RAB30: variants seen among roughly 807,000 people sequenced by gnomAD.
RAB30 encodes the protein RAB30, member RAS oncogene family.
A neutral mutation model predicts 25.1 loss-of-function variants in RAB30; 9 were observed. That is an observed-to-expected ratio of 0.36 (90% confidence interval 0.22 to 0.63). The LOEUF (loss-of-function observed/expected upper bound fraction) is 0.63. Ranked by LOEUF, RAB30 falls within the 20% of genes least tolerant of loss-of-function variation. RAB30 has a pLI of 0.69. For synonymous variants in RAB30, 77 were observed against 86.4 expected, an observed-to-expected ratio of 0.89 and a Z score of 0.60; for missense variants, 140 against 243.5, an observed-to-expected ratio of 0.58 and a Z score of 2.83.
chr11:83,015,028 G>C (rs1352401219), intron 1 of RAB30, among the ~76,000 whole-genome samples: 1 of 152,216 alleles, frequency 6.6e-6, no homozygotes, highest in Non-Finnish European at 1.5e-5. Flanking sequence ...AAGAGAACTG[G>C]GAGACTGCTG....
intron 1 of RAB30, among the ~76,000 whole-genome samples, chr11:83,026,330 G>T (rs1857712904): frequency 6.6e-6 from 1 of 152,230 alleles, no homozygotes; most frequent in Admixed American, 6.5e-5. Flanking sequence ...AATTCTCAGT[G>T]TTGGAGGTGT....
At chr11:82,988,796 C>T (rs574122658) in intron 3 of RAB30, among the ~76,000 whole-genome samples, 31 of 152,190 alleles carry the variant, frequency 2.0e-4, no homozygotes, top group African/African-American at 5.5e-4. Context: ...TCTAATTGCA[C>T]GAATTTCACA....
intron 4 of RAB30, among the ~76,000 whole-genome samples, chr11:82,983,970 A>C (rs1856690706): frequency 6.6e-6 from 1 of 152,210 alleles, no homozygotes; most frequent in Non-Finnish European, 1.5e-5. Flanking sequence ...TTGGCATAGG[A>C]AAAAGGAAAT....
At chr11:83,002,453 C>T (rs1432866176) in intron 1 of RAB30, among the ~76,000 whole-genome samples, 1 of 152,042 alleles carries the variant, frequency 6.6e-6, no homozygotes, top group Admixed American at 6.6e-5. Flanking sequence ...TCCCCAATAT[C>T]ATTGTCACCA....
At position 82,979,908 on chromosome 11, in the gene RAB30, A is replaced by C. The variant is rs182372046; in HGVS notation, c.*2257T>G. The stretch of plus-strand genomic sequence containing the variant: ...TAGAGAAGGCTAAACCCTAGGGAAT[A>C]ATACAAGTGTGACCCTAAAAGGTAT... On this transcript the variant is annotated 3_prime_UTR_variant, in exon 5 of 5. Transcript: ENST00000527633. 6.6e-6 allele frequency: 1 copy of C among 152,292 alleles called. No individual in the cohort carries two copies. The highest frequency in any genetic ancestry group is 1.5e-5 in the Non-Finnish European group (1 of 68,018). The allele number at this position is 152,292 out of a possible 1,614,324, so 9.4% of individuals were successfully genotyped here. A position where few individuals can be genotyped will look rare whatever the true frequency, so the allele number is the denominator to read the frequency against.
chr11:83,033,889 A>C (rs1366750763), intron 1 of RAB30, among the ~76,000 whole-genome samples: 1 of 133,118 alleles, frequency 7.5e-6, no homozygotes, highest in Middle Eastern at 3.7e-3. Context: ...AAAAAAAACC[A>C]AACAAACAAA....
chr11:83,006,420 A>G (rs1043117465), intron 1 of RAB30, among the ~76,000 whole-genome samples: 1 of 152,234 alleles, frequency 6.6e-6, no homozygotes, highest in African/African-American at 2.4e-5. Context: ...GAAAGAAGCA[A>G]GGCAAAGAAT....
At chr11:83,044,318 C>T (rs1858192315) in intron 1 of RAB30, among the ~76,000 whole-genome samples, 1 of 152,176 alleles carries the variant, frequency 6.6e-6, no homozygotes, top group African/African-American at 2.4e-5. Context: ...GATTTTCCCT[C>T]AAGGGATATG....
At chr11:83,069,584 A>AG (rs1858785118) in intron 1 of RAB30, among the ~76,000 whole-genome samples, 1 of 152,100 alleles carries the variant, frequency 6.6e-6, no homozygotes, top group South Asian at 2.1e-4. Flanking sequence ...AGGAAGAAAG[A>AG]GGGGGGAAAG....
chr11:83,010,087 G>C (rs1201392431), intron 1 of RAB30, among the ~76,000 whole-genome samples: 3 of 152,152 alleles, frequency 2.0e-5, no homozygotes, highest in African/African-American at 7.2e-5. Flanking sequence ...CCAAGATGGA[G>C]GGAGAAGTAA....
At chr11:83,035,813 T>G (rs955934821) in intron 1 of RAB30, 2 of 152,290 alleles carry the variant, frequency 1.3e-5, no homozygotes, top group Admixed American at 1.3e-4. Context: ...CACCCTGGGT[T>G]AGAACTGTCT....
chr11:83,063,909 G>A (rs1156527440), intron 1 of RAB30, among the ~76,000 whole-genome samples: 1 of 152,048 alleles, frequency 6.6e-6, no homozygotes, highest in East Asian at 1.9e-4. Context: ...AAATACATGG[G>A]GGAAATGCCC....
At chr11:83,017,496 A>G (rs1211701291) in intron 1 of RAB30, among the ~76,000 whole-genome samples, 1 of 152,082 alleles carries the variant, frequency 6.6e-6, no homozygotes, top group Non-Finnish European at 1.5e-5. Context: ...GGCAGTGTAC[A>G]CTGTACCCAA....
At chr11:83,021,606 C>T (rs929589975) in intron 1 of RAB30, among the ~76,000 whole-genome samples, 2 of 152,240 alleles carry the variant, frequency 1.3e-5, no homozygotes, top group Admixed American at 1.3e-4. Flanking sequence ...CTCTGCTCCA[C>T]GCCTGACTCC....
At chr11:83,056,622 T>C (rs1565291313) in intron 1 of RAB30, among the ~76,000 whole-genome samples, 1 of 152,176 alleles carries the variant, frequency 6.6e-6, no homozygotes, top group Non-Finnish European at 1.5e-5. Flanking sequence ...AAATGAATCA[T>C]CTTCCACATA....
At chr11:83,005,773 G>A (rs1225841024) in intron 1 of RAB30, among the ~76,000 whole-genome samples, 1 of 151,814 alleles carries the variant, frequency 6.6e-6, no homozygotes, top group East Asian at 1.9e-4. Context: ...ATTCTGTATG[G>A]CAAAACAATA....
intron 1 of RAB30, among the ~76,000 whole-genome samples, chr11:83,026,795 G>T (rs1342551635): frequency 7.3e-6 from 1 of 137,302 alleles, no homozygotes; most frequent in Admixed American, 7.4e-5. Flanking sequence ...CAAAAATTCA[G>T]TAAAGTGCTT....
chr11:83,043,289 C>T (rs1312814839), intron 1 of RAB30, among the ~76,000 whole-genome samples: 1 of 152,104 alleles, frequency 6.6e-6, no homozygotes, highest in Non-Finnish European at 1.5e-5. Flanking sequence ...AAACTGAGGC[C>T]GACTTAGACC....
intron 1 of RAB30, among the ~76,000 whole-genome samples, chr11:83,067,470 G>A (rs1419560995): frequency 6.6e-6 from 1 of 152,066 alleles, no homozygotes; most frequent in African/African-American, 2.4e-5. Flanking sequence ...TCCTACACAT[G>A]GACAGCAAGA....
Sources: gnomAD v4.1 joint callset for allele counts (sites outside exome capture counted in the v4.1 genomes callset) on GRCh38, gnomAD v4.1.1 for gene constraint, MANE v1.5 for transcripts, NCBI Gene and HGNC (gene_info 2026-07-23, HGNC 2026-07-21) for gene names.